ROR1: variants seen among roughly 807,000 people sequenced by gnomAD.
ROR1 encodes ROR family WNT receptor 1.
Under a neutral mutation model 78.8 loss-of-function variants are expected in ROR1, and 19 were observed. That is an observed-to-expected ratio of 0.24 (90% CI 0.17 to 0.35). The LOEUF (loss-of-function observed/expected upper bound fraction) is 0.35, where lower values mean the gene tolerates loss of function less well. Among genes scored for constraint, ROR1 ranks in the 10% least tolerant of loss-of-function variants. The pLI, the probability that ROR1 is intolerant of heterozygous loss-of-function variation, is 1.00. For missense variants in ROR1, 917 were observed against 1,177.8 expected (o/e 0.78, Z 3.24); for synonymous variants, 386 against 433.6 (o/e 0.89, Z 1.36).
At chr1:63,839,266 C>T (rs11581982) in intron 1 of ROR1, among the ~76,000 whole-genome samples, 23,100 of 152,036 alleles carry the variant, frequency 0.15, 2,310 homozygotes, top group Non-Finnish European at 0.22. Context: ...CTGAATTGGA[C>T]GGGGAAGCCA....
intron 8 of ROR1, among the ~76,000 whole-genome samples, chr1:64,164,335 A>G (rs1157656503): frequency 6.6e-6 from 1 of 152,232 alleles, no homozygotes; most frequent in Non-Finnish European, 1.5e-5. Context: ...ATTTCTGGAA[A>G]GTAGTCTGAT....
At chr1:64,035,075 A>T (rs1646691526) in intron 2 of ROR1, among the ~76,000 whole-genome samples, 1 of 152,138 alleles carries the variant, frequency 6.6e-6, no homozygotes, top group African/African-American at 2.4e-5. Context: ...ATGTTTTTCA[A>T]ATCACATCTT....
intron 4 of ROR1, among the ~76,000 whole-genome samples, chr1:64,076,631 G>T (rs1365818218): frequency 6.6e-6 from 1 of 152,120 alleles, no homozygotes; most frequent in Non-Finnish European, 1.5e-5. Context: ...TGGTGTAGTG[G>T]AAGTCCACAG....
At chr1:63,814,869 G>A (rs990473497) in intron 1 of ROR1, among the ~76,000 whole-genome samples, 2 of 152,126 alleles carry the variant, frequency 1.3e-5, no homozygotes, top group East Asian at 1.9e-4. Context: ...GGAGACCCTG[G>A]CCTAAGGGAC....
intron 1 of ROR1, among the ~76,000 whole-genome samples, chr1:63,962,804 T>C (rs12088535): frequency 0.014 from 2,155 of 152,238 alleles, 59 homozygotes; most frequent in African/African-American, 0.05. Flanking sequence ...GTGGGTTCCA[T>C]CTGGATGTGA....
At chr1:63,844,396 G>A (rs1645067954) in intron 1 of ROR1, among the ~76,000 whole-genome samples, 1 of 152,198 alleles carries the variant, frequency 6.6e-6, no homozygotes, top group South Asian at 2.1e-4. Flanking sequence ...GATGCTCCAT[G>A]CATGTGTCGG....
At chr1:63,793,294 C>T (rs757759210) in intron 1 of ROR1, among the ~76,000 whole-genome samples, 3 of 152,100 alleles carry the variant, frequency 2.0e-5, no homozygotes, top group Non-Finnish European at 4.4e-5. Flanking sequence ...ACCATGATGG[C>T]GATGGTAAGC....
At chr1:63,872,157 C>T (rs915587394) in intron 1 of ROR1, among the ~76,000 whole-genome samples, 4 of 152,140 alleles carry the variant, frequency 2.6e-5, no homozygotes, top group Admixed American at 6.5e-5. Context: ...ATATTTTATG[C>T]CAGGGTGGTC....
intron 1 of ROR1, among the ~76,000 whole-genome samples, chr1:63,848,138 G>A (rs1477887264): frequency 6.6e-6 from 1 of 152,194 alleles, no homozygotes; most frequent in Non-Finnish European, 1.5e-5. Flanking sequence ...GTCGCTCTCT[G>A]TTATTAATAA....
chr1:63,881,991 A>G (rs1645326084), intron 1 of ROR1, among the ~76,000 whole-genome samples: 1 of 152,180 alleles, frequency 6.6e-6, no homozygotes, highest in Non-Finnish European at 1.5e-5. Flanking sequence ...AGGCAGTTGC[A>G]GCTCCATATG....
At chr1:64,152,867 G>A (rs1014519474) in intron 7 of ROR1, among the ~76,000 whole-genome samples, 3 of 152,080 alleles carry the variant, frequency 2.0e-5, no homozygotes, top group African/African-American at 7.2e-5. Flanking sequence ...TTGATTGACT[G>A]ATTAACACTA....
rs543920221 is a variant in ROR1 at position 63,897,260 on chromosome 1, T to A, written c.92-112045T>A. ...TGTAACCTTCGACAAAATAAAAGGATATGCATAACATACATAAATTTTAAA... is the reference window on the plus strand; with the variant it reads ...TGTAACCTTCGACAAAATAAAAGGAAATGCATAACATACATAAATTTTAAA... On this transcript the variant is annotated intron_variant, in intron 1 of 8. Coordinates refer to ENST00000371079, the MANE Select transcript of ROR1 (RefSeq NM_005012.4). 3.5e-3 allele frequency among the ~76,000 whole-genome samples: 537 copies of A among 152,360 alleles called. 2 individuals are homozygous for A. The highest frequency in any genetic ancestry group is 7.2e-3 in the Admixed American group (110 of 15,298).
chr1:64,101,176 A>C (rs1324362), intron 4 of ROR1, among the ~76,000 whole-genome samples: 60,107 of 151,990 alleles, frequency 0.4, 13,357 homozygotes, highest in Non-Finnish European at 0.51. Context: ...GCAGAAAGTA[A>C]ACAGGGAAGA....
intron 1 of ROR1, among the ~76,000 whole-genome samples, chr1:63,827,699 A>C (rs1300714284): frequency 6.6e-6 from 1 of 152,200 alleles, no homozygotes; most frequent in African/African-American, 2.4e-5. Flanking sequence ...TATTGCCATG[A>C]AAATAGTAAG....
intron 4 of ROR1, chr1:64,111,849 G>T (rs1472750944): frequency 1.3e-5 from 2 of 152,116 alleles, no homozygotes; most frequent in Admixed American, 6.6e-5. Context: ...GTTAGACCTG[G>T]GTTCACTTGC....
intron 1 of ROR1, among the ~76,000 whole-genome samples, chr1:63,777,498 A>G (rs948576777): frequency 1.3e-5 from 2 of 152,180 alleles, no homozygotes; most frequent in Non-Finnish European, 2.9e-5. Flanking sequence ...TGTCTCCTTC[A>G]GTTTTGGAAA....
At position 63,992,486 on chromosome 1, in the gene ROR1, G is replaced by A. The variant is rs573236121; in HGVS notation, c.92-16819G>A. 5.9e-5 allele frequency among the ~76,000 whole-genome samples: 9 copies of A among 152,234 alleles called. No homozygotes were observed. The South Asian group carries it at 1.2e-3, about 21-fold the overall frequency. On this transcript the variant is annotated intron_variant, in intron 1 of 8. Transcript: ENST00000371079. ...CTCTCAAAGTGCTGGGATTACAGGC[G>A]TGAGCCACCGTGTCAGGCCAGGTTA...
chr1:63,861,429 C>T (rs912166155), intron 1 of ROR1, among the ~76,000 whole-genome samples: 6 of 152,138 alleles, frequency 3.9e-5, no homozygotes, highest in Non-Finnish European at 7.3e-5. Flanking sequence ...TCCTTTTAGG[C>T]ATTGCTCTGT....
At chr1:64,173,126 C>T (rs1384645734) in intron 8 of ROR1, among the ~76,000 whole-genome samples, 2 of 152,164 alleles carry the variant, frequency 1.3e-5, no homozygotes, top group African/African-American at 4.8e-5. Context: ...TCCCCTGAAA[C>T]CAAGCTAGGA....
Sources: gnomAD v4.1 joint callset for allele counts (sites outside exome capture counted in the v4.1 genomes callset) on GRCh38, gnomAD v4.1.1 for gene constraint, MANE v1.5 for transcripts, NCBI Gene and HGNC (gene_info 2026-07-23, HGNC 2026-07-21) for gene names.